TNFRSF10D: variants seen among roughly 807,000 people sequenced by gnomAD.
TNFRSF10D encodes the protein tumor necrosis factor receptor superfamily member 10D.
Under a neutral mutation model 42.1 loss-of-function variants are expected in TNFRSF10D, and 28 were observed. That is an observed-to-expected ratio of 0.66 (90% CI 0.49 to 0.91). TNFRSF10D has a LOEUF of 0.91. TNFRSF10D is among the 40% of genes least tolerant of loss of function. TNFRSF10D has a pLI of 0.00. For missense variants in TNFRSF10D, 503 were observed against 486.1 expected, an observed-to-expected ratio of 1.03 and a Z score of -0.33; for synonymous variants, 186 against 189.4, an observed-to-expected ratio of 0.98 and a Z score of 0.15.
intron 2 of TNFRSF10D, among the ~76,000 whole-genome samples, chr8:23,153,664 A>G (rs889022978): frequency 3.3e-5 from 5 of 152,082 alleles, no homozygotes; most frequent in Non-Finnish European, 5.9e-5. Flanking sequence ...TCAAAACCAC[A>G]ATGAAATACC....
Position 23,136,270 on chromosome 8 carries a change from A to C in TNFRSF10D, c.*1600T>G, listed in dbSNP as rs188495900. The C allele has an allele frequency of 6.8e-4, 161 of 238,090 alleles. 2 individuals carry two copies. The highest frequency in any genetic ancestry group is 4.6e-3 in the Admixed American group (91 of 19,652). The allele number at this position is 238,090 out of a possible 1,614,324, so 14.7% of individuals were successfully genotyped here. A position where few individuals can be genotyped will look rare whatever the true frequency, so the allele number is the denominator to read the frequency against. The stretch of plus-strand genomic sequence containing the variant: ...AACGTGACACAAGGACAAATGTGTC[A>C]GCCATTTTAGATCCTGTTGTCACAG... On this transcript the variant is annotated 3_prime_UTR_variant, in exon 9 of 9. Coordinates refer to ENST00000312584, the MANE Select transcript of TNFRSF10D (RefSeq NM_003840.5).
At chr8:23,140,752 C>T (rs561229736) in intron 7 of TNFRSF10D, among the ~76,000 whole-genome samples, 42 of 152,340 alleles carry the variant, frequency 2.8e-4, no homozygotes, top group African/African-American at 7.7e-4. Context: ...CCCCTGCACA[C>T]GCTCTCTTGC....
At chr8:23,159,537 C>T (rs914681865) in intron 1 of TNFRSF10D, among the ~76,000 whole-genome samples, 12 of 152,098 alleles carry the variant, frequency 7.9e-5, no homozygotes, top group Middle Eastern at 3.2e-3. Context: ...ACTCTCACTG[C>T]TTCTCTGTGC....
chr8:23,152,842 ATT>A (rs1253896064), intron 2 of TNFRSF10D, among the ~76,000 whole-genome samples: 1 of 152,224 alleles, frequency 6.6e-6, no homozygotes, highest in South Asian at 2.1e-4. Context: ...TTCCAATGAC[ATT>A]TTTTACCAAA....
At chr8:23,147,516 C>T (rs577879092) in intron 3 of TNFRSF10D, among the ~76,000 whole-genome samples, 24 of 152,318 alleles carry the variant, frequency 1.6e-4, no homozygotes, top group African/African-American at 4.3e-4. Flanking sequence ...CAGACCTGTG[C>T]CACTGCTGGA....
intron 1 of TNFRSF10D, among the ~76,000 whole-genome samples, chr8:23,161,168 G>A (rs902490536): frequency 1.1e-4 from 16 of 152,220 alleles, no homozygotes; most frequent in Admixed American, 3.3e-4. Flanking sequence ...TTTACACAGG[G>A]CTGCTGAAGA....
At chr8:23,151,360 C>T (rs372017946) in intron 2 of TNFRSF10D, among the ~76,000 whole-genome samples, 2 of 149,710 alleles carry the variant, frequency 1.3e-5, no homozygotes, top group African/African-American at 4.9e-5. Flanking sequence ...AAAAAAAAAA[C>T]GGGGGGAGTT....
In TNFRSF10D at chr8:23,137,663, T is replaced by C. The variant is rs1814357939; in HGVS notation, c.*207A>G. Reference sequence around the variant, plus strand: ...TGCAGCCAAGAATCTGATATAAATTTCTCCCGTTTGCTTATCACACGCAGT... The same window carrying C: ...TGCAGCCAAGAATCTGATATAAATTCCTCCCGTTTGCTTATCACACGCAGT... On this transcript the variant is annotated 3_prime_UTR_variant, in exon 9 of 9. Coordinates refer to ENST00000312584, the MANE Select transcript of TNFRSF10D (RefSeq NM_003840.5). The C allele has an allele frequency of 1.8e-6, 1 of 568,442 alleles. No individual in the cohort carries two copies. Among genetic ancestry groups the C allele is most frequent in the African/African-American group, 1.9e-5 (1 of 53,484 alleles). The allele number at this position is 568,442 out of a possible 1,614,324, so 35.2% of individuals were successfully genotyped here.
chr8:23,159,279 C>G (rs139818209), intron 1 of TNFRSF10D, among the ~76,000 whole-genome samples: 873 of 143,082 alleles, frequency 6.1e-3, no homozygotes, highest in African/African-American at 0.019. Flanking sequence ...TGACTATTAT[C>G]AGTTAAAGGC....
chr8:23,150,970 A>C (rs191488912), intron 2 of TNFRSF10D, among the ~76,000 whole-genome samples: 897 of 152,186 alleles, frequency 5.9e-3, no homozygotes, highest in African/African-American at 0.019. Flanking sequence ...AGCATCAGAG[A>C]AAGTGAAAGG....
chr8:23,148,925 T>G (rs1426779713), intron 2 of TNFRSF10D, among the ~76,000 whole-genome samples: 1 of 151,648 alleles, frequency 6.6e-6, no homozygotes. Flanking sequence ...GCACGGTGGC[T>G]CACGCCTGTA....
chr8:23,154,282 C>T (rs1800245882), intron 2 of TNFRSF10D, among the ~76,000 whole-genome samples: 1 of 152,268 alleles, frequency 6.6e-6, no homozygotes. Flanking sequence ...GAAATAAATT[C>T]AAGAGATGTA....
At position 23,137,949 on chromosome 8, in the gene TNFRSF10D, G is replaced by A. The variant is rs146406246; in HGVS notation, c.1082C>T (p.Thr361Ile). ...GGAGCCCACCAGTTGGTCCTGAATT[G>A]TTTCCTTTGCATGTCCTTCTTCCAG... ...ATLEEGHAKE[T>I]IQDQLVGSEK... Residue 361 changes from threonine (T) to isoleucine (I), a missense_variant, in exon 9 of 9, where the codon ACA (threonine) becomes ATA (isoleucine). By Grantham distance (89) the Thr-to-Ile change is moderately conservative. Transcript: ENST00000312584. 6 of 1,614,080 alleles carry A rather than the reference G, an allele frequency of 3.7e-6. No homozygotes were observed. The African/African-American group carries it at 6.7e-5, about 18-fold the overall frequency.
chr8:23,157,170 C>T (rs1304125130), intron 1 of TNFRSF10D, among the ~76,000 whole-genome samples: 1 of 152,152 alleles, frequency 6.6e-6, no homozygotes, highest in East Asian at 1.9e-4. Flanking sequence ...CAGAAAGGAA[C>T]TGCATACCCT....
intron 2 of TNFRSF10D, among the ~76,000 whole-genome samples, chr8:23,149,306 T>TGGCTCACTGCAACCTC (rs1190151489): frequency 6.6e-6 from 1 of 151,764 alleles, no homozygotes; most frequent in Non-Finnish European, 1.5e-5. Context: ...GGCGCGACCT[T>TGGCTCACTGCAACCTC]GGCTCACTGC....
At chr8:23,163,647 ACGGCGG>A in intron 1 of TNFRSF10D, 133 bp downstream of exon 1, 1 of 1,350,904 alleles carries the variant, frequency 7.4e-7, no homozygotes, top group Non-Finnish European at 9.9e-7. Context: ...CCTGACTCCG[ACGGCGG>A]GTTCGTCCTG....
intron 6 of TNFRSF10D, 60 bp from the exon 7 acceptor site, chr8:23,144,695 G>C: frequency 6.4e-7 from 1 of 1,564,422 alleles, no homozygotes; most frequent in South Asian, 1.2e-5. Context: ...AGGGTCCCCA[G>C]TACACAGCTG....
chr8:23,152,276 G>T (rs992939872), intron 2 of TNFRSF10D, among the ~76,000 whole-genome samples: 1 of 152,194 alleles, frequency 6.6e-6, no homozygotes, highest in South Asian at 2.1e-4. Context: ...CAGCACTTAC[G>T]GGAAGTGGGG....
At position 23,148,678 on chromosome 8, in the gene TNFRSF10D, G is replaced by C. The variant is rs1008161232; in HGVS notation, c.257-127C>G. 16 of 605,504 alleles carry C rather than the reference G, an allele frequency of 2.6e-5. No individual in the cohort carries two copies. In the African/African-American group the frequency reaches 2.8e-4, roughly 11 times the overall value. The allele number at this position is 605,504 out of a possible 1,614,324, so 37.5% of individuals were successfully genotyped here. On this transcript the variant is annotated intron_variant, in intron 2 of 8. Transcript: ENST00000312584. ...AGAGAAATCTGCTCTTCTTGGCTTG[G>C]TCTTGTCATCAATTCTGCATCTATT...
Sources: allele counts gnomAD v4.1 joint callset (sites outside exome capture counted in the v4.1 genomes callset), GRCh38; gene constraint gnomAD v4.1.1; transcripts MANE v1.5; gene names NCBI Gene and HGNC (gene_info 2026-07-23, HGNC 2026-07-21).